Variants in ABCC4 observed in about 807,000 individuals in gnomAD.
ABCC4 encodes the protein ATP binding cassette subfamily C member 4 (PEL blood group), also known as ATP-binding cassette sub-family C member 4.
Under a neutral mutation model 168.5 loss-of-function variants are expected in ABCC4, and 102 were observed. The ratio of observed to expected loss-of-function variants is 0.61; its 90% CI spans 0.52 to 0.71. The LOEUF (loss-of-function observed/expected upper bound fraction) is 0.71. ABCC4 is among the 30% of genes least tolerant of loss of function. ABCC4 has a pLI of 0.00. For missense variants in ABCC4, 1,402 were observed against 1,605.8 expected, an observed-to-expected ratio of 0.87 and a Z score of 2.17; for synonymous variants, 617 against 590.7, an observed-to-expected ratio of 1.04 and a Z score of -0.65.
chr13:95,032,643 T>C (rs1440884261), intron 30 of ABCC4, among the ~76,000 whole-genome samples: 2 of 148,304 alleles, frequency 1.3e-5, no homozygotes, highest in Non-Finnish European at 3.0e-5. Flanking sequence ...CCATTAGATA[T>C]GGGAACATAT....
chr13:95,090,323 T>C (rs558122467), intron 20 of ABCC4, among the ~76,000 whole-genome samples: 52 of 152,146 alleles, frequency 3.4e-4, no homozygotes, highest in African/African-American at 1.1e-3. Context: ...AGTACAAAAA[T>C]AGAGCATTAA....
At chr13:95,066,018 A>C (rs2033528741) in intron 25 of ABCC4, among the ~76,000 whole-genome samples, 2 of 152,184 alleles carry the variant, frequency 1.3e-5, no homozygotes, top group African/African-American at 4.8e-5. Context: ...AAACAGTCCC[A>C]ACTAACCTTT....
chr13:95,129,159 C>CA, intron 19 of ABCC4, among the ~76,000 whole-genome samples: 1 of 152,262 alleles, frequency 6.6e-6, no homozygotes, highest in East Asian at 1.9e-4. Context: ...GCATTTACCT[C>CA]TCTTTAAAGG....
chr13:95,293,894 C>A (rs1388620777), intron 1 of ABCC4, among the ~76,000 whole-genome samples: 1 of 151,710 alleles, frequency 6.6e-6, no homozygotes, highest in Non-Finnish European at 1.5e-5. Flanking sequence ...GATTCTCCTG[C>A]TCGGTCTCCC....
intron 14 of ABCC4, among the ~76,000 whole-genome samples, chr13:95,168,187 A>T (rs1429701717): frequency 2.0e-5 from 3 of 152,140 alleles, no homozygotes; most frequent in East Asian, 3.9e-4. Flanking sequence ...GTTGTTTTGG[A>T]GAAAGATTAT....
intron 1 of ABCC4, among the ~76,000 whole-genome samples, chr13:95,284,345 G>C (rs931701363): frequency 3.9e-5 from 6 of 152,096 alleles, no homozygotes; most frequent in African/African-American, 1.4e-4. Context: ...GCACCACCAT[G>C]ACTGGCTAAT....
intron 1 of ABCC4, among the ~76,000 whole-genome samples, chr13:95,274,661 G>A (rs529688129): frequency 6.6e-6 from 1 of 152,236 alleles, no homozygotes; most frequent in South Asian, 2.1e-4. Context: ...GCTTCCCCAT[G>A]TGGCCCTGCA....
rs151167924 is a variant in ABCC4, at chr13:95,164,979, G to A, written c.2035-461C>T. Among the ~76,000 whole-genome samples the A allele has an allele frequency of 2.9e-3, 439 of 152,250 alleles. 4 individuals are homozygous for A. Among genetic ancestry groups the A allele is most frequent in the African/African-American group, 0.01 (419 of 41,546 alleles). ...TCCAAAGCGCTGGGATTGCAGGCAT[G>A]AGCCACCACACCCAGCTATATGCAC... On this transcript the variant is annotated intron_variant, in intron 15 of 30. Coordinates refer to ENST00000645237, the MANE Select transcript of ABCC4 (RefSeq NM_005845.5).
intron 27 of ABCC4, among the ~76,000 whole-genome samples, chr13:95,050,188 C>T (rs190129291): frequency 6.6e-6 from 1 of 152,188 alleles, no homozygotes; most frequent in African/African-American, 2.4e-5. Flanking sequence ...CATAACTTCA[C>T]GTTTACAATC....
At chr13:95,153,481 G>C (rs946140460) in intron 19 of ABCC4, among the ~76,000 whole-genome samples, 1 of 152,146 alleles carries the variant, frequency 6.6e-6, no homozygotes, top group Non-Finnish European at 1.5e-5. Flanking sequence ...CAGAGAGAGA[G>C]AGATACAGGC....
intron 13 of ABCC4, among the ~76,000 whole-genome samples, chr13:95,172,602 G>GT (rs2037517338): frequency 1.3e-5 from 2 of 150,766 alleles, no homozygotes; most frequent in Admixed American, 6.6e-5. Flanking sequence ...AACATTAAGA[G>GT]CTGACACATA....
intron 25 of ABCC4, among the ~76,000 whole-genome samples, chr13:95,069,961 C>A (rs1476533439): frequency 6.6e-6 from 1 of 152,100 alleles, no homozygotes; most frequent in Non-Finnish European, 1.5e-5. Context: ...AGAATCTGGC[C>A]AGGCATGGTG....
intron 8 of ABCC4, among the ~76,000 whole-genome samples, chr13:95,205,941 A>G (rs1272774050): frequency 6.6e-6 from 1 of 152,258 alleles, no homozygotes; most frequent in Non-Finnish European, 1.5e-5. Context: ...AATTGGAAAT[A>G]AAGAAGTCTG....
At chr13:95,281,299 CAAAAAAAAA>C (rs10541756) in intron 1 of ABCC4, among the ~76,000 whole-genome samples, 6 of 48,708 alleles carry the variant, frequency 1.2e-4, no homozygotes, top group East Asian at 5.8e-4. Flanking sequence ...GAGACTCTCT[CAAAAAAAAA>C]AAAAAAAAAA....
At chr13:95,116,567 A>C (rs2035386631) in intron 19 of ABCC4, among the ~76,000 whole-genome samples, 1 of 152,128 alleles carries the variant, frequency 6.6e-6, no homozygotes, top group South Asian at 2.1e-4. Context: ...TCATTTTCAG[A>C]TGTGCAAACA....
At chr13:95,218,990 AG>A (rs1451731123) in intron 4 of ABCC4, among the ~76,000 whole-genome samples, 2 of 7,972 alleles carry the variant, frequency 2.5e-4, no homozygotes, top group South Asian at 2.2e-3. Context: ...AGAAAGAGTG[AG>A]AAAGAAAGAA....
At chr13:95,266,962 C>T (rs1382804037) in intron 1 of ABCC4, among the ~76,000 whole-genome samples, 5 of 151,658 alleles carry the variant, frequency 3.3e-5, no homozygotes, top group Non-Finnish European at 2.9e-5. Flanking sequence ...CTCCACCTCC[C>T]AGGTTCAAGT....
intron 1 of ABCC4, among the ~76,000 whole-genome samples, chr13:95,292,417 G>A (rs765919551): frequency 3.9e-5 from 6 of 152,078 alleles, no homozygotes; most frequent in African/African-American, 9.7e-5. Flanking sequence ...ACTATGAGGC[G>A]AGCATATGAA....
At chr13:95,124,562 T>TAAA (rs55651091) in intron 19 of ABCC4, among the ~76,000 whole-genome samples, 1 of 121,896 alleles carries the variant, frequency 8.2e-6, no homozygotes. Context: ...CCCCCTTTCT[T>TAAA]AAAAAAAAAA....
Sources: gnomAD v4.1 joint callset for allele counts (sites outside exome capture counted in the v4.1 genomes callset) on GRCh38, gnomAD v4.1.1 for gene constraint, MANE v1.5 for transcripts, NCBI Gene and HGNC (gene_info 2026-07-23, HGNC 2026-07-21) for gene names.